The following TNNI3K variants were observed in gnomAD, a reference collection of about 807,000 sequenced individuals.
TNNI3K encodes TNNI3 interacting kinase, also known as serine/threonine-protein kinase TNNI3K.
A neutral mutation model predicts 114.5 loss-of-function variants in TNNI3K; 140 were observed. The observed-to-expected ratio is 1.22, with a 90% CI of 1.07 to 1.41. The LOEUF is 1.41. Among genes scored for constraint, TNNI3K ranks in the 40% most tolerant of loss-of-function variants. TNNI3K has a pLI of 0.00. For missense variants in TNNI3K, 1,125 were observed against 1,007.6 expected (o/e 1.12, Z -1.58); for synonymous variants, 347 against 347.5 (o/e 1.00, Z 0.02).
intron 9 of TNNI3K, 103 bp downstream of exon 9, chr1:74,343,282 A>G: frequency 1.6e-6 from 2 of 1,249,970 alleles, no homozygotes; most frequent in Non-Finnish European, 2.2e-6. Context: ...AGATGTTGCA[A>G]TCAGAGAGCA....
intron 17 of TNNI3K, among the ~76,000 whole-genome samples, chr1:74,386,157 C>T (rs1022461212): frequency 6.6e-5 from 10 of 152,154 alleles, no homozygotes; most frequent in Admixed American, 5.9e-4. Flanking sequence ...ATTGTGAGGC[C>T]TCCAGCCATG....
intron 21 of TNNI3K, among the ~76,000 whole-genome samples, chr1:74,485,707 A>G (rs1367895281): frequency 6.6e-6 from 1 of 152,234 alleles, no homozygotes. Context: ...AGCTGGTCAC[A>G]GAGTGGAAGT....
rs1035515836 is a variant in TNNI3K at position 74,280,388 on chromosome 1, A to T, written c.444+8680A>T. On this transcript the variant is annotated intron_variant, in intron 5 of 24. Transcript: ENST00000326637. ...CAGAGCGAAACTCCATCTCAAAAAA[A>T]AAATAAAATAAAATAAAAAAGGAAA... Among the ~76,000 whole-genome samples the T allele has an allele frequency of 2.0e-5, 3 of 149,364 alleles. No homozygotes were observed. In the Admixed American group the frequency reaches 2.0e-4, roughly 10 times the overall value.
intron 5 of TNNI3K, among the ~76,000 whole-genome samples, chr1:74,285,559 C>T (rs994710017): frequency 2.6e-5 from 4 of 152,108 alleles, no homozygotes; most frequent in African/African-American, 9.7e-5. Flanking sequence ...TAACATGTAA[C>T]ACCACCTGTT....
At chr1:74,384,471 A>G (rs1663372007) in intron 17 of TNNI3K, among the ~76,000 whole-genome samples, 3 of 152,236 alleles carry the variant, frequency 2.0e-5, no homozygotes, top group South Asian at 4.1e-4. Flanking sequence ...AACCTCCTGA[A>G]ATTTTAGTGA....
chr1:74,376,679 A>C (rs1377243033), intron 17 of TNNI3K: 2 of 152,036 alleles, frequency 1.3e-5, no homozygotes, highest in Non-Finnish European at 2.9e-5. Flanking sequence ...ATACTTATTG[A>C]ATACATGATA....
intron 17 of TNNI3K, among the ~76,000 whole-genome samples, chr1:74,403,249 C>T (rs716269): frequency 6.6e-5 from 10 of 152,082 alleles, no homozygotes; most frequent in African/African-American, 1.7e-4. Context: ...TAGCTGTTTT[C>T]GAACCTTCAA....
chr1:74,394,711 G>A lies in TNNI3K; in HGVS notation c.1772+24319G>A, dbSNP rs544166400. On this transcript the variant is annotated intron_variant, in intron 17 of 24. Transcript: ENST00000326637. Reference sequence around the variant, plus strand: ...CCTCTGAGCTAAATAGGATTGCAATGTATTGTGGGCTGCAACAAAATGCAG... The same window carrying A: ...CCTCTGAGCTAAATAGGATTGCAATATATTGTGGGCTGCAACAAAATGCAG... Among the ~76,000 whole-genome samples, 22 of 152,346 alleles carry A rather than the reference G, an allele frequency of 1.4e-4. 2 individuals are homozygous for A. In the East Asian group the frequency reaches 3.7e-3, roughly 25 times the overall value.
chr1:74,404,120 A>C (rs1664500157), intron 17 of TNNI3K, among the ~76,000 whole-genome samples: 1 of 152,150 alleles, frequency 6.6e-6, no homozygotes, highest in Admixed American at 6.6e-5. Context: ...CCTCTCACCT[A>C]AGAACAAGAG....
At position 74,445,820 on chromosome 1, in the gene TNNI3K, C is replaced by T. The variant is rs181871144; in HGVS notation, c.2011+6198C>T. 4.7e-3 allele frequency among the ~76,000 whole-genome samples: 714 copies of T among 152,042 alleles called. 6 individuals are homozygous for T. The highest frequency in any genetic ancestry group is 0.017 in the African/African-American group (689 of 41,486). On this transcript the variant is annotated intron_variant, in intron 20 of 24. Transcript: ENST00000326637. ...AGAGACGGGGTTTCACCATTTTAGC[C>T]AGGATGGTCTCGATCTCCTGACCTC...
At chr1:74,250,195 T>C (rs1654842816) in intron 3 of TNNI3K, among the ~76,000 whole-genome samples, 1 of 152,144 alleles carries the variant, frequency 6.6e-6, no homozygotes, top group Non-Finnish European at 1.5e-5. Flanking sequence ...CTTAACCATT[T>C]CTCCCAAACA....
chr1:74,439,817 G>A (rs917244780), intron 20 of TNNI3K, among the ~76,000 whole-genome samples, 195 bp downstream of exon 20: 3 of 151,984 alleles, frequency 2.0e-5, no homozygotes, highest in Non-Finnish European at 2.9e-5. Context: ...ATTTCAGACC[G>A]AGACACACAG....
intron 17 of TNNI3K, among the ~76,000 whole-genome samples, chr1:74,413,196 G>A (rs1023795834): frequency 2.0e-5 from 3 of 152,152 alleles, no homozygotes; most frequent in African/African-American, 7.2e-5. Context: ...TAGGAACAGA[G>A]AAAGGAATAA....
At chr1:74,526,461 C>T (rs180894746) in intron 23 of TNNI3K, among the ~76,000 whole-genome samples, 59 of 152,210 alleles carry the variant, frequency 3.9e-4, no homozygotes, top group Non-Finnish European at 2.2e-4. Flanking sequence ...AATTCAAGTT[C>T]TACGGTTCTT....
chr1:74,306,754 A>T (rs1455651647), intron 5 of TNNI3K, among the ~76,000 whole-genome samples: 1 of 152,018 alleles, frequency 6.6e-6, no homozygotes, highest in Non-Finnish European at 1.5e-5. Flanking sequence ...TTAAGTTAAG[A>T]TATTAATCTT....
chr1:74,323,639 C>T (rs1005765788), intron 5 of TNNI3K, among the ~76,000 whole-genome samples: 2 of 151,596 alleles, frequency 1.3e-5, no homozygotes, highest in Admixed American at 1.3e-4. Context: ...AAGAAAAACA[C>T]GTGTGTGTGT....
intron 23 of TNNI3K, among the ~76,000 whole-genome samples, chr1:74,530,801 GT>G (rs1408267310): frequency 6.6e-6 from 1 of 151,448 alleles, no homozygotes; most frequent in African/African-American, 2.4e-5. Context: ...ATGTTCCTCA[GT>G]TTTAGCAGTC....
chr1:74,372,105 A>C (rs1379088467), intron 17 of TNNI3K: 3 of 151,648 alleles, frequency 2.0e-5, no homozygotes, highest in Non-Finnish European at 4.4e-5. Flanking sequence ...AAAAAAAAAA[A>C]AAAAAAAAAG....
At chr1:74,500,385 A>G (rs1048858304) in intron 23 of TNNI3K, among the ~76,000 whole-genome samples, 2 of 151,784 alleles carry the variant, frequency 1.3e-5, no homozygotes, top group Non-Finnish European at 2.9e-5. Context: ...GCGGATCACG[A>G]GGTCAGGAGA....
Sources: allele counts gnomAD v4.1 joint callset (sites outside exome capture counted in the v4.1 genomes callset), GRCh38; gene constraint gnomAD v4.1.1; transcripts MANE v1.5; gene names NCBI Gene and HGNC (gene_info 2026-07-23, HGNC 2026-07-21).